MYO5A: variants seen among roughly 807,000 people sequenced by gnomAD.
MYO5A encodes the protein myosin VA.
A neutral mutation model predicts 249.7 loss-of-function variants in MYO5A; 98 were observed. The observed-to-expected ratio is 0.39, with a 90% confidence interval of 0.33 to 0.46. MYO5A has a LOEUF of 0.46. Among genes scored for constraint, MYO5A ranks in the 20% least tolerant of loss-of-function variants. The probability of loss-of-function intolerance (pLI) is 0.98; values close to 1 mark genes in which losing one functional copy is unlikely to be tolerated. For missense variants in MYO5A, 1,696 were observed against 2,308.8 expected (o/e 0.73, Z 5.44); for synonymous variants, 778 against 810.6 (o/e 0.96, Z 0.68).
chr15:52,324,143 A>G (rs2038479654), intron 36 of MYO5A, among the ~76,000 whole-genome samples: 1 of 152,086 alleles, frequency 6.6e-6, no homozygotes, highest in Admixed American at 6.6e-5. Context: ...GATAAAGAAT[A>G]TGAAAAAGAA....
Position 52,379,666 on chromosome 15 carries a change from T to G in MYO5A, c.2167A>C (p.Arg723=), listed in dbSNP as rs2041629453. The change falls in exon 18 of 42, where the codon AGA becomes CGA. Residue 723 remains arginine (R), a synonymous_variant. Coordinates refer to ENST00000399233, the MANE Select transcript of MYO5A (RefSeq NM_001382347.1). ...LMKQKDVLSD[R]KQTCKNVLEK... ...AACACATTCTTGCATGTTTGCTTTC[T>G]GTCACTCAGCACATCTTTCTGCTTC... The G allele has an allele frequency of 6.2e-7, 1 of 1,614,124 alleles. No homozygotes were observed. Among genetic ancestry groups the G allele is most frequent in the African/African-American group, 1.3e-5 (1 of 74,948 alleles).
intron 5 of MYO5A, among the ~76,000 whole-genome samples, chr15:52,415,131 C>T (rs576541226): frequency 1.3e-5 from 2 of 152,230 alleles, no homozygotes; most frequent in East Asian, 1.9e-4. Flanking sequence ...CATAGATTAT[C>T]GCAAAAACCA....
At position 52,416,354 on chromosome 15, in the gene MYO5A, A is replaced by G; in HGVS notation, c.456-53T>C. On this transcript the variant is annotated intron_variant, in intron 4 of 41. Transcript: ENST00000399233. ...AACTGCCATTGCTGCCTATAGCAGG[A>G]TTGATAAGGGAAACTATGGTCTCTA... 16 of 1,566,660 alleles carry G rather than the reference A, an allele frequency of 1.0e-5. 1 individual carries two copies. The South Asian group carries it at 1.8e-4, about 18-fold the overall frequency.
At chr15:52,425,521 G>A (rs966864398) in intron 4 of MYO5A, among the ~76,000 whole-genome samples, 7 of 152,026 alleles carry the variant, frequency 4.6e-5, no homozygotes, top group South Asian at 2.1e-4. Flanking sequence ...CTCCACACCC[G>A]GCTAATTTTT....
chr15:52,405,461 A>G (rs2042963558), intron 8 of MYO5A, 68 bp from the exon 9 acceptor site: 1 of 1,175,022 alleles, frequency 8.5e-7, no homozygotes, highest in Non-Finnish European at 1.3e-6. Flanking sequence ...ACAGCAGACA[A>G]TTTTAAGCCT....
At chr15:52,346,616 A>AGG (rs2039644816) in intron 29 of MYO5A, 155 bp from the exon 30 acceptor site, 1 of 697,972 alleles carries the variant, frequency 1.4e-6, no homozygotes, top group Non-Finnish European at 2.6e-6. Flanking sequence ...GTAACTGCAG[A>AGG]GGGGAGTTTG....
At chr15:52,504,555 T>C (rs1206511249) in intron 1 of MYO5A, among the ~76,000 whole-genome samples, 13 of 152,308 alleles carry the variant, frequency 8.5e-5, no homozygotes, top group South Asian at 2.1e-4. Flanking sequence ...TTTATTCACA[T>C]TGAAGCTGCC....
chr15:52,521,697 T>C (rs954922625), intron 1 of MYO5A, among the ~76,000 whole-genome samples: 6 of 152,216 alleles, frequency 3.9e-5, no homozygotes, highest in African/African-American at 1.4e-4. Flanking sequence ...GCCTTTGCTG[T>C]ACAAGGAGAT....
At chr15:52,377,278 CG>C (rs1217179185) in intron 18 of MYO5A, among the ~76,000 whole-genome samples, 1 of 151,808 alleles carries the variant, frequency 6.6e-6, no homozygotes, top group Admixed American at 6.6e-5. Flanking sequence ...AAAAATTAGC[CG>C]GGCATGGTGG....
intron 1 of MYO5A, among the ~76,000 whole-genome samples, chr15:52,526,180 T>TA (rs1024163810): frequency 6.6e-6 from 1 of 152,086 alleles, no homozygotes; most frequent in East Asian, 1.9e-4. Context: ...ACAAAGAGGT[T>TA]AAAAAAAATT....
intron 1 of MYO5A, among the ~76,000 whole-genome samples, chr15:52,467,885 AG>A (rs1379347107): frequency 2.6e-5 from 4 of 152,242 alleles, no homozygotes; most frequent in African/African-American, 9.6e-5. Context: ...AAGTGATGAA[AG>A]AAAAAAGAAA....
chr15:52,370,888 G>A (rs1337171202), intron 21 of MYO5A, among the ~76,000 whole-genome samples: 2 of 152,122 alleles, frequency 1.3e-5, no homozygotes, highest in African/African-American at 4.8e-5. Flanking sequence ...CAAGGCAGGA[G>A]GATCACAAGA....
At chr15:52,504,614 A>G (rs1566863131) in intron 1 of MYO5A, among the ~76,000 whole-genome samples, 1 of 152,204 alleles carries the variant, frequency 6.6e-6, no homozygotes, top group Non-Finnish European at 1.5e-5. Context: ...GAAAAGTCTG[A>G]CAGAACGCTG....
At chr15:52,345,336 C>T (rs919157940) in intron 30 of MYO5A, among the ~76,000 whole-genome samples, 1 of 152,036 alleles carries the variant, frequency 6.6e-6, no homozygotes, top group Non-Finnish European at 1.5e-5. Context: ...AATCCTAGCA[C>T]GTTGGGAGGC....
intron 1 of MYO5A, among the ~76,000 whole-genome samples, chr15:52,484,320 T>A (rs1055991318): frequency 1.3e-5 from 2 of 152,194 alleles, no homozygotes; most frequent in Admixed American, 6.5e-5. Flanking sequence ...AAAATACACA[T>A]ACACACACCC....
chr15:52,476,030 T>C (rs892557786), intron 1 of MYO5A, among the ~76,000 whole-genome samples: 2 of 152,186 alleles, frequency 1.3e-5, no homozygotes, highest in South Asian at 4.1e-4. Context: ...AGTCTAAGTC[T>C]CTTTGTAGGT....
At chr15:52,317,913 C>T (rs1325834095) in intron 39 of MYO5A, among the ~76,000 whole-genome samples, 1 of 152,212 alleles carries the variant, frequency 6.6e-6, no homozygotes, top group African/African-American at 2.4e-5. Context: ...ACTTAGCAAC[C>T]AGGCAAATAG....
chr15:52,376,769 T>C (rs1419289310), intron 18 of MYO5A, among the ~76,000 whole-genome samples: 1 of 152,220 alleles, frequency 6.6e-6, no homozygotes, highest in South Asian at 2.1e-4. Flanking sequence ...TTAAGAGTTA[T>C]TTTCCAGAAT....
chr15:52,518,388 A>T (rs2077540275), intron 1 of MYO5A, among the ~76,000 whole-genome samples: 1 of 152,176 alleles, frequency 6.6e-6, no homozygotes, highest in Non-Finnish European at 1.5e-5. Flanking sequence ...ATGCAATAGT[A>T]ACTCTAAGGG....
Sources: allele counts gnomAD v4.1 joint callset (sites outside exome capture counted in the v4.1 genomes callset), GRCh38; gene constraint gnomAD v4.1.1; transcripts MANE v1.5; gene names NCBI Gene and HGNC (gene_info 2026-07-23, HGNC 2026-07-21).